Variants in SMAD6 observed in about 807,000 individuals in gnomAD.
The protein encoded by SMAD6 is SMAD family member 6, also known as MAD homolog 6.
Under a neutral mutation model 39.4 loss-of-function variants are expected in SMAD6, and 103 were observed. The ratio of observed to expected loss-of-function variants is 2.62; its 90% CI spans 2.23 to 3.08. The LOEUF (loss-of-function observed/expected upper bound fraction) is 3.08, where lower values mean the gene tolerates loss of function less well. Ranked by LOEUF, SMAD6 falls within the 30% of genes most tolerant of loss-of-function variation. The pLI, the probability that SMAD6 is intolerant of heterozygous loss-of-function variation, is 0.00. For synonymous variants in SMAD6, 445 were observed against 353.3 expected, an observed-to-expected ratio of 1.26 and a Z score of -2.91; for missense variants, 1,104 against 742.9, an observed-to-expected ratio of 1.49 and a Z score of -5.65.
intron 3 of SMAD6, among the ~76,000 whole-genome samples, chr15:66,750,398 T>C (rs1345250321): frequency 2.0e-5 from 3 of 152,212 alleles, no homozygotes; most frequent in Non-Finnish European, 4.4e-5. Context: ...CAGTGAATGC[T>C]CATTGAATGA....
intron 3 of SMAD6, among the ~76,000 whole-genome samples, chr15:66,773,437 T>G (rs1261266936): frequency 6.6e-6 from 1 of 152,160 alleles, no homozygotes; most frequent in Non-Finnish European, 1.5e-5. Flanking sequence ...ATGCTGCATC[T>G]CTAGACTTGC....
intron 3 of SMAD6, among the ~76,000 whole-genome samples, chr15:66,758,235 C>T (rs183131070): frequency 1.2e-4 from 19 of 152,314 alleles, no homozygotes; most frequent in African/African-American, 4.3e-4. Flanking sequence ...GACATTCTCT[C>T]TATATAGAAT....
At chr15:66,722,235 G>A (rs183714633) in intron 3 of SMAD6, among the ~76,000 whole-genome samples, 2 of 152,328 alleles carry the variant, frequency 1.3e-5, no homozygotes, top group East Asian at 3.9e-4. Context: ...ATCACATGAC[G>A]ATGCTCAAGC....
chr15:66,729,830 T>TCAC (rs1331863952), intron 3 of SMAD6, among the ~76,000 whole-genome samples: 1 of 152,078 alleles, frequency 6.6e-6, no homozygotes, highest in African/African-American at 2.4e-5. Flanking sequence ...TGGAGAGTGG[T>TCAC]GTGCATCAAA....
At chr15:66,753,712 C>G (rs563583386) in intron 3 of SMAD6, among the ~76,000 whole-genome samples, 12 of 152,326 alleles carry the variant, frequency 7.9e-5, no homozygotes, top group Admixed American at 7.2e-4. Flanking sequence ...CTCAAAGATC[C>G]TCATTGAACT....
chr15:66,765,957 T>C (rs995011649), intron 3 of SMAD6, among the ~76,000 whole-genome samples: 11 of 152,164 alleles, frequency 7.2e-5, no homozygotes, highest in African/African-American at 2.7e-4. Flanking sequence ...GCCTCCCAGA[T>C]TAATTAATAA....
At chr15:66,776,349 C>G (rs1355541681) in intron 3 of SMAD6, among the ~76,000 whole-genome samples, 1 of 152,226 alleles carries the variant, frequency 6.6e-6, no homozygotes, top group Non-Finnish European at 1.5e-5. Context: ...CTTCTGCACC[C>G]ACTTGATTTT....
chr15:66,780,609 G>C (rs999070605), intron 3 of SMAD6, among the ~76,000 whole-genome samples: 3 of 152,208 alleles, frequency 2.0e-5, no homozygotes, highest in Non-Finnish European at 1.5e-5. Context: ...CGCCGGGTCC[G>C]TGATGGTTGC....
chr15:66,777,573 C>T (rs1432302751), intron 3 of SMAD6, among the ~76,000 whole-genome samples: 1 of 152,154 alleles, frequency 6.6e-6, no homozygotes, highest in Non-Finnish European at 1.5e-5. Flanking sequence ...TGCTTGAGCT[C>T]AAGGAATATA....
chr15:66,732,093 G>A (rs772505410), intron 3 of SMAD6, among the ~76,000 whole-genome samples: 30 of 151,804 alleles, frequency 2.0e-4, no homozygotes, highest in Admixed American at 1.3e-3. Context: ...GCAGGCATGC[G>A]CCACCACACC....
At chr15:66,722,214 G>A (rs1412330202) in intron 3 of SMAD6, among the ~76,000 whole-genome samples, 2 of 152,210 alleles carry the variant, frequency 1.3e-5, no homozygotes, top group African/African-American at 4.8e-5. Context: ...CAGGGCCTGC[G>A]GAAAGTTGCT....
intron 3 of SMAD6, among the ~76,000 whole-genome samples, chr15:66,746,728 G>A (rs747521335): frequency 6.6e-6 from 1 of 152,140 alleles, no homozygotes; most frequent in Non-Finnish European, 1.5e-5. Context: ...TGGTGGGCAC[G>A]ATAATCAAAC....
chr15:66,721,616 T>G (rs1385577099), intron 3 of SMAD6, among the ~76,000 whole-genome samples: 1 of 152,116 alleles, frequency 6.6e-6, no homozygotes, highest in Non-Finnish European at 1.5e-5. Context: ...TTCTCACTTG[T>G]AAAATGGGGT....
chr15:66,717,773 G>A (rs1893358809), intron 3 of SMAD6, among the ~76,000 whole-genome samples: 1 of 152,162 alleles, frequency 6.6e-6, no homozygotes, highest in Non-Finnish European at 1.5e-5. Flanking sequence ...CCTGGGCTGC[G>A]GTGGTCCTGG....
At position 66,704,041 on chromosome 15, in the gene SMAD6, C is replaced by T. The variant is rs762358882; in HGVS notation, c.783C>T (p.Cys261=). 2.6e-6 allele frequency: 4 copies of T among 1,511,198 alleles called. No homozygotes were observed. The highest frequency in any genetic ancestry group is 1.2e-5 in the South Asian group (1 of 81,804). 93.6% of individuals were successfully genotyped at this position (1,511,198 alleles called of 1,614,324 possible). ...AAAADGPTVC[C]NPYHFSRLCG... ...CCGCCGACGGCCCTACCGTGTGCTGCAACCCCTACCACTTCAGCCGGCTCT... is the reference window on the plus strand; with the variant it reads ...CCGCCGACGGCCCTACCGTGTGCTGTAACCCCTACCACTTCAGCCGGCTCT... The change falls in exon 1 of 4, where the codon TGC becomes TGT. Residue 261 remains cysteine (C), a synonymous_variant. Coordinates refer to ENST00000288840, the MANE Select transcript of SMAD6 (RefSeq NM_005585.5).
intron 2 of SMAD6, among the ~76,000 whole-genome samples, 167 bp from the exon 3 acceptor site, chr15:66,716,254 C>T (rs1212970342): frequency 5.9e-5 from 9 of 152,112 alleles, no homozygotes; most frequent in Admixed American, 5.2e-4. Context: ...CTGGGGTGAT[C>T]CTGAGATGGG....
intron 3 of SMAD6, among the ~76,000 whole-genome samples, chr15:66,764,398 A>G (rs1327583647): frequency 1.3e-5 from 2 of 151,996 alleles, no homozygotes; most frequent in African/African-American, 4.8e-5. Flanking sequence ...ACAATAATTT[A>G]TCTTGGTGGG....
rs1388107909 is a variant in SMAD6 at position 66,766,004 on chromosome 15, G to A, written c.953-14993G>A. ...CCCCCAGCCAGACGGAGCTGAGAGA[G>A]ATACAGTGAACAAAGAGTGGTTAAC... On this transcript the variant is annotated intron_variant, in intron 3 of 3. Coordinates refer to ENST00000288840, the MANE Select transcript of SMAD6 (RefSeq NM_005585.5). Among the ~76,000 whole-genome samples, 7 of 152,338 alleles carry A rather than the reference G, an allele frequency of 4.6e-5. No individual in the cohort carries two copies. The South Asian group carries it at 6.2e-4, about 14-fold the overall frequency.
chr15:66,750,885 C>T (rs982950279), intron 3 of SMAD6, among the ~76,000 whole-genome samples: 2 of 152,164 alleles, frequency 1.3e-5, no homozygotes, highest in African/African-American at 4.8e-5. Flanking sequence ...CCCTAGCAGG[C>T]AGGGCGAGTC....
Sources: gnomAD v4.1 joint callset for allele counts (sites outside exome capture counted in the v4.1 genomes callset) on GRCh38, gnomAD v4.1.1 for gene constraint, MANE v1.5 for transcripts, NCBI Gene and HGNC (gene_info 2026-07-23, HGNC 2026-07-21) for gene names.